The following SPAG9 variants were observed in gnomAD, a reference collection of about 807,000 sequenced individuals.
The protein encoded by SPAG9 is C-Jun-amino-terminal kinase-interacting protein 4.
SPAG9 carries 35 observed loss-of-function variants against 166.5 expected under a neutral mutation model. That is an observed-to-expected ratio of 0.21 (90% CI 0.16 to 0.28). The LOEUF is 0.28. SPAG9 is among the 10% of genes least tolerant of loss of function. The pLI, the probability that SPAG9 is intolerant of heterozygous loss-of-function variation, is 1.00. For synonymous variants in SPAG9, 534 were observed against 565.5 expected (o/e 0.94, Z 0.79); for missense variants, 1,235 against 1,603.3 (o/e 0.77, Z 3.92).
At chr17:51,004,666 G>A (rs2045118720) in intron 12 of SPAG9, among the ~76,000 whole-genome samples, 1 of 152,144 alleles carries the variant, frequency 6.6e-6, no homozygotes, top group African/African-American at 2.4e-5. Context: ...GGAGGTGGAA[G>A]TTGTAGTGAG....
At chr17:51,041,136 T>A (rs2046822005) in intron 5 of SPAG9, among the ~76,000 whole-genome samples, 1 of 152,198 alleles carries the variant, frequency 6.6e-6, no homozygotes, top group Non-Finnish European at 1.5e-5. Flanking sequence ...CCTACTAAAT[T>A]GGAAAGCCTC....
At position 51,032,602 on chromosome 17, in the gene SPAG9, C is replaced by G. The variant is rs141617140; in HGVS notation, c.742-880G>C. Reference sequence around the variant, plus strand: ...TCTTGGTCTGGAAATTCATCAAAGTCTTTTTGAAAGGCTGCTAGCTCTCAG... The same window carrying G: ...TCTTGGTCTGGAAATTCATCAAAGTGTTTTTGAAAGGCTGCTAGCTCTCAG... On this transcript the variant is annotated intron_variant, in intron 5 of 29. Coordinates refer to ENST00000262013, the MANE Select transcript of SPAG9 (RefSeq NM_001130528.3). Among the ~76,000 whole-genome samples the G allele has an allele frequency of 1.2e-4, 19 of 152,262 alleles. No individual in the cohort carries two copies. In the South Asian group the frequency reaches 1.7e-3, roughly 13 times the overall value.
At chr17:50,985,673 G>A (rs1974997970) in intron 23 of SPAG9, 25 bp downstream of exon 23, 4 of 1,379,142 alleles carry the variant, frequency 2.9e-6, no homozygotes, top group East Asian at 2.3e-5. Flanking sequence ...GTTTTAACAA[G>A]AAGAATTTCC....
At position 50,965,206 on chromosome 17, in the gene SPAG9, C is replaced by T. The variant is rs1377243630; in HGVS notation, c.*1066G>A. The T allele has an allele frequency of 1.3e-5, 2 of 152,138 alleles. No homozygotes were observed. The highest frequency in any genetic ancestry group is 4.8e-5 in the African/African-American group (2 of 41,410). 9.4% of individuals were successfully genotyped at this position (152,138 alleles called of 1,614,324 possible). A position where few individuals can be genotyped will look rare whatever the true frequency, so the allele number is the denominator to read the frequency against. ...GCTCAAAAGGGCACAAAAGCTAAAA[C>T]GTTATTCACGTACAAAATACCAAGT... On this transcript the variant is annotated 3_prime_UTR_variant, in exon 30 of 30. Coordinates refer to ENST00000262013, the MANE Select transcript of SPAG9 (RefSeq NM_001130528.3).
intron 2 of SPAG9, among the ~76,000 whole-genome samples, chr17:51,074,043 T>C (rs1262994903): frequency 6.6e-6 from 1 of 151,796 alleles, no homozygotes; most frequent in Non-Finnish European, 1.5e-5. Flanking sequence ...GAGACCATCA[T>C]GGCTAACACG....
chr17:51,120,491 C>T lies in SPAG9; in HGVS notation c.166G>A (p.Ala56Thr). The T allele has an allele frequency of 6.2e-7, 1 of 1,614,000 alleles. No homozygotes were observed. The highest frequency in any genetic ancestry group is 1.1e-5 in the South Asian group (1 of 91,088). ...VVKELMPLVV[A>T]VLENLDSVFA... ...ACCGAGTCCAGGTTCTCCAGCACAG[C>T]CACCACCAGCGGCATCAGCTCTTTG... is the stretch of plus-strand genomic sequence containing the variant. Residue 56 changes from alanine (A) to threonine (T), a missense_variant, in exon 1 of 30, where the codon GCT (alanine) becomes ACT (threonine). Ala to Thr is a moderately conservative substitution (Grantham distance 58). Around this residue, in one of 6 missense-constraint regions of SPAG9, gnomAD observed 83 missense variants for 149.8 expected, o/e 0.55. Coordinates refer to ENST00000262013, the MANE Select transcript of SPAG9 (RefSeq NM_001130528.3). This position sits in a 1 kb window ranked among gnomAD's most constrained non-coding sequence, Gnocchi z 4.7.
Position 50,998,460 on chromosome 17 carries a change from C to G in SPAG9, c.1822G>C (p.Asp608His). Reference sequence around the variant, plus strand: ...AAGACTTACTCTTCACTAAGGAAATCAAAGGCTTTGGACTTATCCCCAGGG... The same window carrying G: ...AAGACTTACTCTTCACTAAGGAAATGAAAGGCTTTGGACTTATCCCCAGGG... ...QLPGDKSKAF[D>H]FLSEETEASL... The change falls in exon 15 of 30, where the codon GAT (aspartate) becomes CAT (histidine). Residue 608 changes from aspartate to histidine, a missense_variant. Asp to His is a moderately conservative substitution (Grantham distance 81, BLOSUM62 -1). Transcript: ENST00000262013. The G allele has an allele frequency of 2.5e-6, 4 of 1,613,278 alleles. No individual in the cohort carries two copies. The highest frequency in any genetic ancestry group is 3.4e-6 in the Non-Finnish European group (4 of 1,179,692).
chr17:51,111,593 A>AT (rs140370555), intron 1 of SPAG9, among the ~76,000 whole-genome samples: 13,580 of 151,130 alleles, frequency 0.09, 662 homozygotes, highest in Non-Finnish European at 0.12. Context: ...CTCTTTTGTG[A>AT]TTTTTTTTTG....
At chr17:51,014,449 C>T in intron 8 of SPAG9, 96 bp from the exon 9 acceptor site, 1 of 997,300 alleles carries the variant, frequency 1.0e-6, no homozygotes. Flanking sequence ...ATAGGACTTT[C>T]TTACCTATAA....
At chr17:50,997,041 G>C (rs933741758) in intron 15 of SPAG9, among the ~76,000 whole-genome samples, 1 of 152,240 alleles carries the variant, frequency 6.6e-6, no homozygotes, top group Admixed American at 6.5e-5. Flanking sequence ...TTGGGAGGCT[G>C]AGGCAGGAGA....
At chr17:51,075,571 TC>T (rs1441236814) in intron 2 of SPAG9, among the ~76,000 whole-genome samples, 1 of 152,190 alleles carries the variant, frequency 6.6e-6, no homozygotes, top group Non-Finnish European at 1.5e-5. Flanking sequence ...ACACCTGTAA[TC>T]CCAGCATTTG....
chr17:51,116,141 G>A (rs1366826742), intron 1 of SPAG9, among the ~76,000 whole-genome samples: 1 of 152,036 alleles, frequency 6.6e-6, no homozygotes, highest in Non-Finnish European at 1.5e-5. Flanking sequence ...CATCTCCCGG[G>A]TTCAAGCAAT....
chr17:51,019,058 C>T (rs1159982649), intron 8 of SPAG9, among the ~76,000 whole-genome samples: 1 of 152,090 alleles, frequency 6.6e-6, no homozygotes, highest in South Asian at 2.1e-4. Context: ...GATTGGGGTC[C>T]TTATAGAATA....
At chr17:51,037,618 A>T (rs2046640683) in intron 5 of SPAG9, among the ~76,000 whole-genome samples, 1 of 126,662 alleles carries the variant, frequency 7.9e-6, no homozygotes, top group African/African-American at 4.0e-5. Flanking sequence ...ATCTCAAATA[A>T]AAAAAAAAAA....
At chr17:50,985,545 T>C (rs555853688) in intron 23 of SPAG9, among the ~76,000 whole-genome samples, 153 bp downstream of exon 23, 2 of 152,342 alleles carry the variant, frequency 1.3e-5, no homozygotes, top group Non-Finnish European at 2.9e-5. Flanking sequence ...TCATTCTCAC[T>C]TAACTTCTCT....
intron 4 of SPAG9, chr17:51,047,048 T>C (rs2144453168): frequency 2.0e-6 from 1 of 505,948 alleles, no homozygotes; most frequent in East Asian, 1.5e-4. Context: ...CAAAAAGGAC[T>C]TCAAACCAAT....
chr17:51,034,009 C>T (rs184076774), intron 5 of SPAG9, among the ~76,000 whole-genome samples: 78 of 152,254 alleles, frequency 5.1e-4, no homozygotes, highest in Non-Finnish European at 3.2e-4. Flanking sequence ...GCATCTTGGT[C>T]AACATACAAC....
chr17:51,097,860 C>T (rs1253895825), intron 1 of SPAG9, among the ~76,000 whole-genome samples: 2 of 152,096 alleles, frequency 1.3e-5, no homozygotes, highest in East Asian at 1.9e-4. Context: ...GCAGGTGACA[C>T]GATCCCAGCT....
At chr17:51,115,404 C>T (rs2049256701) in intron 1 of SPAG9, among the ~76,000 whole-genome samples, 1 of 145,806 alleles carries the variant, frequency 6.9e-6, no homozygotes, top group Non-Finnish European at 1.5e-5. Flanking sequence ...GTTGCCCAGG[C>T]TTGAACTCAT....
Sources: allele counts gnomAD v4.1 joint callset (sites outside exome capture counted in the v4.1 genomes callset), GRCh38; gene constraint gnomAD v4.1.1; regional missense constraint gnomAD v4.1.1; non-coding constraint Gnocchi (gnomAD v3.1); transcripts MANE v1.5; gene names NCBI Gene and HGNC (gene_info 2026-07-23, HGNC 2026-07-21).